EPB41L5: variants seen among roughly 807,000 people sequenced by gnomAD.
EPB41L5 encodes the protein band 4.1-like protein 5.
EPB41L5 carries 55 observed loss-of-function variants against 106.6 expected under a neutral mutation model. That is an observed-to-expected ratio of 0.52 (90% CI 0.42 to 0.65). The LOEUF is 0.65. Among genes scored for constraint, EPB41L5 ranks in the 30% least tolerant of loss-of-function variants. The probability of loss-of-function intolerance (pLI) is 0.00; values close to 1 mark genes in which losing one functional copy is unlikely to be tolerated. For missense variants in EPB41L5, 871 were observed against 882.1 expected, an observed-to-expected ratio of 0.99 and a Z score of 0.16; for synonymous variants, 297 against 306.7, an observed-to-expected ratio of 0.97 and a Z score of 0.33.
At chr2:120,052,798 T>G (rs1045730074) in intron 3 of EPB41L5, among the ~76,000 whole-genome samples, 2 of 152,240 alleles carry the variant, frequency 1.3e-5, no homozygotes, top group Non-Finnish European at 2.9e-5. Context: ...AGGGAATATG[T>G]GTTTATGTTT....
At chr2:120,086,140 G>T in intron 10 of EPB41L5, among the ~76,000 whole-genome samples, 1 of 152,200 alleles carries the variant, frequency 6.6e-6, no homozygotes, top group Non-Finnish European at 1.5e-5. Context: ...GGTGGAGGTT[G>T]TAGTGAGCCA....
chr2:120,160,636 C>T (rs1315375623), intron 20 of EPB41L5: 3 of 421,516 alleles, frequency 7.1e-6, no homozygotes, highest in African/African-American at 4.0e-5. Flanking sequence ...AGAGGGTTAC[C>T]CTTTCTATGG....
chr2:120,110,889 G>A (rs553228852), intron 16 of EPB41L5, among the ~76,000 whole-genome samples: 16 of 152,136 alleles, frequency 1.1e-4, no homozygotes, highest in African/African-American at 2.4e-4. Flanking sequence ...TGATCTGCCC[G>A]CCTTGGCCTC....
At chr2:120,061,962 AC>A (rs1388725654) in intron 3 of EPB41L5, among the ~76,000 whole-genome samples, 4 of 152,130 alleles carry the variant, frequency 2.6e-5, no homozygotes, top group Admixed American at 6.5e-5. Flanking sequence ...GTAGTTGCTC[AC>A]TAGCTCTCCA....
chr2:120,157,638 G>A (rs886127131), intron 20 of EPB41L5, among the ~76,000 whole-genome samples: 12 of 151,888 alleles, frequency 7.9e-5, no homozygotes, highest in Middle Eastern at 3.4e-3. Context: ...GCGGGGTGGC[G>A]CATGCCTGTT....
Position 120,093,245 on chromosome 2 carries a change from T to G in EPB41L5, c.1151-4T>G. ...ATGAGGTGTTATCTTTTTTCTTCTG[T>G]TAGCATGTGCTACAAAACCTGAAGA... On this transcript the variant is annotated splice_region_variant and splice_polypyrimidine_tract_variant and intron_variant, in intron 13 of 24. Coordinates refer to ENST00000263713, the MANE Select transcript of EPB41L5 (RefSeq NM_020909.4). 6.2e-7 allele frequency: 1 copy of G among 1,613,260 alleles called. No individual in the cohort carries two copies. Among genetic ancestry groups the G allele is most frequent in the Non-Finnish European group, 8.5e-7 (1 of 1,179,226 alleles).
intron 18 of EPB41L5, 105 bp from the exon 19 acceptor site, chr2:120,142,898 A>T (rs888877453): frequency 9.9e-7 from 1 of 1,014,300 alleles, no homozygotes; most frequent in African/African-American, 1.7e-5. Flanking sequence ...CTTAAGACAC[A>T]TGATTTCCTG....
intron 2 of EPB41L5, among the ~76,000 whole-genome samples, chr2:120,019,627 T>G (rs377174526): frequency 6.6e-6 from 1 of 152,346 alleles, no homozygotes; most frequent in East Asian, 1.9e-4. Context: ...GTTGTGAATC[T>G]TTGAGAATAA....
At chr2:120,078,259 A>G (rs926380584) in intron 9 of EPB41L5, among the ~76,000 whole-genome samples, 2 of 152,212 alleles carry the variant, frequency 1.3e-5, no homozygotes, top group Admixed American at 6.5e-5. Context: ...CCCACTTTCA[A>G]TGAAGATACA....
intron 24 of EPB41L5, among the ~76,000 whole-genome samples, chr2:120,169,671 C>G (rs545803277): frequency 1.1e-4 from 17 of 152,202 alleles, no homozygotes; most frequent in South Asian, 6.2e-4. Context: ...GGCAAAGGAC[C>G]CACTCATATC....
intron 3 of EPB41L5, among the ~76,000 whole-genome samples, chr2:120,045,128 A>G (rs943383726): frequency 3.9e-5 from 6 of 152,184 alleles, no homozygotes; most frequent in African/African-American, 1.2e-4. Context: ...TGGCATGTCC[A>G]TATATGTAAG....
chr2:120,100,830 A>G lies in EPB41L5; in HGVS notation c.1337+16A>G, dbSNP rs762643133. The G allele has an allele frequency of 6.1e-6, 9 of 1,483,086 alleles. No homozygotes were observed. Among genetic ancestry groups the G allele is most frequent in the Non-Finnish European group, 8.3e-6 (9 of 1,080,586 alleles). 91.9% of individuals were successfully genotyped at this position (1,483,086 alleles called of 1,614,324 possible). ...ACAGGAAATGGTTTGTTAATTCCTTAAACTAAAATAAAATATTGCCTAGTT... is the reference window on the plus strand; with the variant it reads ...ACAGGAAATGGTTTGTTAATTCCTTGAACTAAAATAAAATATTGCCTAGTT... On this transcript the variant is annotated intron_variant, in intron 16 of 24. Transcript: ENST00000263713.
At chr2:120,155,935 G>T (rs1686882507) in intron 20 of EPB41L5, among the ~76,000 whole-genome samples, 1 of 152,132 alleles carries the variant, frequency 6.6e-6, no homozygotes, top group Admixed American at 6.5e-5. Context: ...CTGTCACCCT[G>T]GGCCTCTGGA....
chr2:120,013,280 C>T (rs963969732), intron 1 of EPB41L5, 70 bp downstream of exon 1: 65 of 152,360 alleles, frequency 4.3e-4, no homozygotes, highest in African/African-American at 1.5e-3. Flanking sequence ...GACCCTTCCT[C>T]GCCCGCGCCT....
At chr2:120,078,425 A>G in intron 9 of EPB41L5, 68 bp from the exon 10 acceptor site, 1 of 951,384 alleles carries the variant, frequency 1.1e-6, no homozygotes, top group Non-Finnish European at 1.6e-6. Context: ...ATAAAATTTA[A>G]AAGTTGTGTC....
chr2:120,117,776 C>G (rs1685017506), intron 16 of EPB41L5, among the ~76,000 whole-genome samples: 1 of 152,000 alleles, frequency 6.6e-6, no homozygotes. Flanking sequence ...CATTTAAATC[C>G]CTCTCAGTAG....
At chr2:120,046,894 C>G (rs947516866) in intron 3 of EPB41L5, among the ~76,000 whole-genome samples, 3 of 152,070 alleles carry the variant, frequency 2.0e-5, no homozygotes, top group African/African-American at 7.2e-5. Context: ...GCCAGTTTTC[C>G]CAGCACCATT....
At chr2:120,074,603 ATTGGT>A (rs1404543188) in intron 5 of EPB41L5, among the ~76,000 whole-genome samples, 1 of 152,134 alleles carries the variant, frequency 6.6e-6, no homozygotes, top group Non-Finnish European at 1.5e-5. Context: ...TTAGATTCTG[ATTGGT>A]TTGAATAGTT....
chr2:120,146,352 C>T, intron 20 of EPB41L5, 63 bp downstream of exon 20: 2 of 1,221,084 alleles, frequency 1.6e-6, no homozygotes, highest in South Asian at 1.3e-5. Context: ...TTTTTTTCTT[C>T]TCAGTCTGTC....
Sources: allele counts gnomAD v4.1 joint callset (sites outside exome capture counted in the v4.1 genomes callset), GRCh38; gene constraint gnomAD v4.1.1; transcripts MANE v1.5; gene names NCBI Gene and HGNC (gene_info 2026-07-23, HGNC 2026-07-21).